HTRA3: variants seen among roughly 807,000 people sequenced by gnomAD.
The protein encoded by HTRA3 is HtrA serine peptidase 3, also known as serine protease HTRA3.
Under a neutral mutation model 43.2 loss-of-function variants are expected in HTRA3, and 41 were observed. The observed-to-expected ratio is 0.95, with a 90% CI of 0.74 to 1.23. The LOEUF (loss-of-function observed/expected upper bound fraction) is 1.23, where lower values mean the gene tolerates loss of function less well. Ranked by LOEUF, HTRA3 falls within the 50% of genes most tolerant of loss-of-function variation. The pLI is 0.00. For synonymous variants in HTRA3, 295 were observed against 287.9 expected (o/e 1.02, Z -0.25); for missense variants, 628 against 647.1 (o/e 0.97, Z 0.32).
At chr4:8,289,344 C>T (rs1578799105) in intron 3 of HTRA3, among the ~76,000 whole-genome samples, 1 of 152,226 alleles carries the variant, frequency 6.6e-6, no homozygotes, top group Non-Finnish European at 1.5e-5. Context: ...GGCAAAAATG[C>T]AGCCTTAGGC....
At chr4:8,270,404 A>T (rs1712221393) in intron 1 of HTRA3, 51 bp downstream of exon 1, 2 of 1,362,318 alleles carry the variant, frequency 1.5e-6, no homozygotes, top group African/African-American at 1.5e-5. Flanking sequence ...TCTTGGGGAA[A>T]CTAAGGCCGG....
chr4:8,281,044 C>T (rs28572219), intron 1 of HTRA3, among the ~76,000 whole-genome samples: 6,659 of 152,258 alleles, frequency 0.044, 443 homozygotes, highest in African/African-American at 0.15. Context: ...GGGGGTTCTT[C>T]TTACAGAGCC....
intron 5 of HTRA3, 63 bp downstream of exon 5, chr4:8,292,416 C>A: frequency 1.4e-6 from 2 of 1,410,396 alleles, no homozygotes; most frequent in Non-Finnish European, 2.0e-6. Flanking sequence ...TGGGGGTGCT[C>A]AGCCTTGAGG....
At chr4:8,275,330 C>G (rs928461387) in intron 1 of HTRA3, among the ~76,000 whole-genome samples, 2 of 152,196 alleles carry the variant, frequency 1.3e-5, no homozygotes, top group Non-Finnish European at 2.9e-5. Flanking sequence ...AGACCCGGAC[C>G]CTCCCTGCCG....
Position 8,304,190 on chromosome 4 carries a change from G to A in HTRA3, c.1107G>A (p.Val369=), listed in dbSNP as rs1341606283. ...GACGGCAGACTCTTTCCAGCCTGGT[G>A]GATGAGCTGAAGGCCAGCAACCCGG... ...IRMRTITPSL[V]DELKASNPDF... The change falls in exon 8 of 9, where the codon GTG becomes GTA. Residue 369 remains valine, a synonymous_variant. Transcript: ENST00000307358. 8 of 1,613,864 alleles carry A rather than the reference G, an allele frequency of 5.0e-6. No homozygotes were observed. The East Asian group carries it at 1.6e-4, about 31-fold the overall frequency.
intron 3 of HTRA3, among the ~76,000 whole-genome samples, chr4:8,289,570 G>A (rs931654400): frequency 6.6e-6 from 1 of 152,322 alleles, no homozygotes; most frequent in South Asian, 2.1e-4. Context: ...TGAGCAGGAC[G>A]CCCCACCAGC....
chr4:8,282,933 C>G (rs1194564462), intron 2 of HTRA3, among the ~76,000 whole-genome samples: 7 of 152,138 alleles, frequency 4.6e-5, no homozygotes, highest in Non-Finnish European at 1.0e-4. Context: ...GCATGGCAGG[C>G]AGAGAGCAGG....
In HTRA3 at chr4:8,291,578, A is replaced by T. The variant is rs755774108; in HGVS notation, c.903+14A>T. 1.9e-6 allele frequency: 3 copies of T among 1,545,052 alleles called. No individual in the cohort carries two copies. The South Asian group carries it at 3.6e-5, about 19-fold the overall frequency. On this transcript the variant is annotated intron_variant, in intron 4 of 8. Coordinates refer to ENST00000307358, the MANE Select transcript of HTRA3 (RefSeq NM_053044.5). ...GCCATCATCAACGTGAGTCCCAGGG[A>T]CAGGAGGCCGGGGCACCTGCCATCT...
chr4:8,305,690 A>C (rs1459265979), intron 8 of HTRA3, among the ~76,000 whole-genome samples: 2 of 152,162 alleles, frequency 1.3e-5, no homozygotes, highest in African/African-American at 4.8e-5. Flanking sequence ...CTGAGGCACA[A>C]GGGGACAGAG....
chr4:8,276,477 A>T (rs1176797345), intron 1 of HTRA3, among the ~76,000 whole-genome samples: 1 of 152,180 alleles, frequency 6.6e-6, no homozygotes, highest in African/African-American at 2.4e-5. Context: ...GTGTCTGTGG[A>T]GGTGCTGCCA....
intron 3 of HTRA3, among the ~76,000 whole-genome samples, chr4:8,288,562 A>G (rs1010345631): frequency 7.6e-6 from 1 of 131,334 alleles, no homozygotes; most frequent in Non-Finnish European, 1.6e-5. Flanking sequence ...GGCGTGAACC[A>G]CCGTGCCTAG....
chr4:8,270,741 C>T (rs1050850068), intron 1 of HTRA3, among the ~76,000 whole-genome samples: 4 of 152,174 alleles, frequency 2.6e-5, no homozygotes, highest in Admixed American at 2.6e-4. Context: ...CCGGGGTGCC[C>T]TCTTGGGTGA....
intron 1 of HTRA3, among the ~76,000 whole-genome samples, chr4:8,271,480 G>C (rs1560132184): frequency 6.6e-6 from 1 of 152,242 alleles, no homozygotes; most frequent in African/African-American, 2.4e-5. Flanking sequence ...CGTGTGGGAA[G>C]CATCATTCGA....
At chr4:8,274,977 A>G (rs1224365182) in intron 1 of HTRA3, among the ~76,000 whole-genome samples, 1 of 152,186 alleles carries the variant, frequency 6.6e-6, no homozygotes, top group African/African-American at 2.4e-5. Context: ...GGGGCTGCAC[A>G]TGCCTTGGAG....
chr4:8,306,197 C>A lies in HTRA3; in HGVS notation c.*61C>A. 6.7e-7 allele frequency: 1 copy of A among 1,495,952 alleles called. No individual in the cohort carries two copies. The highest frequency in any genetic ancestry group is 9.0e-7 in the Non-Finnish European group (1 of 1,116,374). The allele number at this position is 1,495,952 out of a possible 1,614,324, so 92.7% of individuals were successfully genotyped here. ...GCAGACAACGGAGGGCAGCGCCCCC[C>A]CGAGATCAGGACGAAGGACCACCGT... On this transcript the variant is annotated 3_prime_UTR_variant, in exon 9 of 9. Transcript: ENST00000307358. The surrounding 1 kb of genome is among the most constrained non-coding windows in gnomAD (Gnocchi z 8.9).
At chr4:8,288,555 G>A (rs1713089404) in intron 3 of HTRA3, among the ~76,000 whole-genome samples, 3 of 146,532 alleles carry the variant, frequency 2.0e-5, no homozygotes, top group South Asian at 2.2e-4. Context: ...GATTACAGGC[G>A]TGAACCACCG....
At chr4:8,294,921 C>A (rs1160786002) in intron 6 of HTRA3, among the ~76,000 whole-genome samples, 3 of 149,618 alleles carry the variant, frequency 2.0e-5, no homozygotes, top group Admixed American at 6.7e-5. Flanking sequence ...CCAATTCTTC[C>A]ATCCATCATC....
chr4:8,281,701 C>T (rs1006554834), intron 1 of HTRA3, among the ~76,000 whole-genome samples: 4 of 152,242 alleles, frequency 2.6e-5, no homozygotes, highest in African/African-American at 4.8e-5. Flanking sequence ...CTGTGGGCCC[C>T]GTGCCACTGC....
Position 8,286,652 on chromosome 4 carries a change from G to A in HTRA3, c.577G>A (p.Val193Met), listed in dbSNP as rs1441246883. 2 of 1,614,212 alleles carry A rather than the reference G, an allele frequency of 1.2e-6. No homozygotes were observed. The highest frequency in any genetic ancestry group is 2.2e-5 in the East Asian group (1 of 44,886). The change falls in exon 3 of 9, where the codon GTG becomes ATG. Residue 193 changes from valine to methionine, a missense_variant. By Grantham distance (21) the Val-to-Met change is conservative. Coordinates refer to ENST00000307358, the MANE Select transcript of HTRA3 (RefSeq NM_053044.5). The surrounding 1 kb of genome is among the most constrained non-coding windows in gnomAD (Gnocchi z 4.9). ...CCTGATCATCACCAATGCCCACGTG[G>A]TGTCCAGCAACAGTGCTGCCCCGGG... is the stretch of plus-strand genomic sequence containing the variant. ...AGLIITNAHVVSSNSAAPGRQ... is the reference protein window; with the variant it reads ...AGLIITNAHVMSSNSAAPGRQ...
Sources: gnomAD v4.1 joint callset for allele counts (sites outside exome capture counted in the v4.1 genomes callset) on GRCh38, gnomAD v4.1.1 for gene constraint, Gnocchi (gnomAD v3.1) non-coding constraint, MANE v1.5 for transcripts, NCBI Gene and HGNC (gene_info 2026-07-23, HGNC 2026-07-21) for gene names.